The following TRIM7 variants were observed in gnomAD, a reference collection of about 807,000 sequenced individuals.
The protein encoded by TRIM7 is tripartite motif containing 7, also known as E3 ubiquitin-protein ligase TRIM7.
A neutral mutation model predicts 37.9 loss-of-function variants in TRIM7; 32 were observed. That is an observed-to-expected ratio of 0.84 (90% CI 0.64 to 1.13). The LOEUF is 1.13. Ranked by LOEUF, TRIM7 falls within the 50% of genes most tolerant of loss-of-function variation. The probability of loss-of-function intolerance (pLI) is 0.00; values close to 1 mark genes in which losing one functional copy is unlikely to be tolerated. For synonymous variants in TRIM7, 351 were observed against 321.3 expected (o/e 1.09, Z -0.99); for missense variants, 732 against 714.0 (o/e 1.03, Z -0.29).
rs1211897486 is a variant in TRIM7, at chr5:181,195,023, C to T, written c.*143G>A. The T allele has an allele frequency of 3.9e-5, 41 of 1,051,878 alleles. No individual in the cohort carries two copies. The highest frequency in any genetic ancestry group is 5.0e-5 in the Non-Finnish European group (37 of 736,280). 65.2% of individuals were successfully genotyped at this position (1,051,878 alleles called of 1,614,324 possible). ...GTTGGCCACAGTCACTCTCCTGCCTCGGGGTTGTGTCTGTAGCAGGCTCTC... is the reference window on the plus strand; with the variant it reads ...GTTGGCCACAGTCACTCTCCTGCCTTGGGGTTGTGTCTGTAGCAGGCTCTC... On this transcript the variant is annotated 3_prime_UTR_variant, in exon 7 of 7. Coordinates refer to ENST00000274773, the MANE Select transcript of TRIM7 (RefSeq NM_203293.3).
chr5:181,204,970 G>A lies in TRIM7; in HGVS notation c.141C>T (p.Ser47=), dbSNP rs765551552. The change falls in exon 1 of 7, where the codon AGC becomes AGT. Residue 47 remains serine, a synonymous_variant. Coordinates refer to ENST00000274773, the MANE Select transcript of TRIM7 (RefSeq NM_203293.3). ...REPVSVECGH[S]FCRACIGRCW... ...AGCGCCCTATGCAGGCGCGGCAGAA[G>A]CTGTGGCCGCACTCGACGGACACCG... 1.2e-4 allele frequency: 181 copies of A among 1,482,202 alleles called. No homozygotes were observed. The African/African-American group carries it at 2.5e-3, about 20-fold the overall frequency. The allele number at this position is 1,482,202 out of a possible 1,614,324, so 91.8% of individuals were successfully genotyped here.
chr5:181,205,074 C>T lies in TRIM7; in HGVS notation c.37G>A (p.Gly13Ser), dbSNP rs777522462. The change falls in exon 1 of 7, where the codon GGC becomes AGC. Residue 13 changes from glycine (G) to serine (S), a missense_variant. Physicochemically the swap from Gly to Ser is moderately conservative, Grantham distance 56. Transcript: ENST00000274773. ...GCCGCCAGCGCTAGAGCCTCGGCGCCGGTTCCGGGGCCGGTCCGCGGTCCC... is the reference window on the plus strand; with the variant it reads ...GCCGCCAGCGCTAGAGCCTCGGCGCTGGTTCCGGGGCCGGTCCGCGGTCCC... Reference protein sequence around the residue: ...AVGPRTGPGTGAEALALAAEL... With the variant: ...AVGPRTGPGTSAEALALAAEL... The T allele has an allele frequency of 1.5e-6, 2 of 1,372,170 alleles. No individual in the cohort carries two copies. Among genetic ancestry groups the T allele is most frequent in the African/African-American group, 1.5e-5 (1 of 65,516 alleles). 85.0% of individuals were successfully genotyped at this position (1,372,170 alleles called of 1,614,324 possible). A position where few individuals can be genotyped will look rare whatever the true frequency, so the allele number is the denominator to read the frequency against.
intron 2 of TRIM7, among the ~76,000 whole-genome samples, chr5:181,201,507 G>A (rs919803671): frequency 1.3e-5 from 2 of 152,182 alleles, no homozygotes. Flanking sequence ...TTGGGAGGCT[G>A]AGGGGGGCAA....
chr5:181,205,106 G>A lies in TRIM7; in HGVS notation c.5C>T (p.Ala2Val). 1.5e-6 allele frequency: 2 copies of A among 1,320,496 alleles called. No homozygotes were observed. Among genetic ancestry groups the A allele is most frequent in the Non-Finnish European group, 1.9e-6 (2 of 1,036,434 alleles). The allele number at this position is 1,320,496 out of a possible 1,614,324, so 81.8% of individuals were successfully genotyped here. A position where few individuals can be genotyped will look rare whatever the true frequency, so the allele number is the denominator to read the frequency against. Residue 2 changes from alanine to valine, a missense_variant, in exon 1 of 7, where the codon GCG (alanine) becomes GTG (valine). Transcript: ENST00000274773. ...GGGGCCGGTCCGCGGTCCCACAGCCGCCATGCGCGCTCTCCGCGCACCCAG... is the reference window on the plus strand; with the variant it reads ...GGGGCCGGTCCGCGGTCCCACAGCCACCATGCGCGCTCTCCGCGCACCCAG... M[A>V]AVGPRTGPGT...
chr5:181,200,330 A>G (rs890177859), intron 2 of TRIM7: 1 of 1,427,746 alleles, frequency 7.0e-7, no homozygotes, highest in African/African-American at 1.4e-5. Context: ...CCTGTGCTCC[A>G]TCACCTAAAC....
rs1757054529 is a variant in TRIM7 at position 181,195,560 on chromosome 5, T to G, written c.1142A>C (p.Asp381Ala). Reference protein sequence around the residue: ...QDLPNHPCRFDTNTRVLASCG... With the variant: ...QDLPNHPCRFATNTRVLASCG... ...GGACGCCAGGACGCGGGTGTTGGTG[T>G]CGAAGCGGCAGGGGTGGTTGGGCAG... Residue 381 changes from aspartate to alanine, a missense_variant, in exon 7 of 7, where the codon GAC becomes GCC. Physicochemically the swap from Asp to Ala is moderately radical, Grantham distance 126. Coordinates refer to ENST00000274773, the MANE Select transcript of TRIM7 (RefSeq NM_203293.3). The G allele has an allele frequency of 6.2e-7, 1 of 1,610,442 alleles. No homozygotes were observed. The highest frequency in any genetic ancestry group is 1.7e-5 in the Admixed American group (1 of 59,844).
rs750143832 is a variant in TRIM7, at chr5:181,195,259, G to A, written c.1443C>T (p.Arg481=). 5 of 1,611,910 alleles carry A rather than the reference G, an allele frequency of 3.1e-6. No homozygotes were observed. The highest frequency in any genetic ancestry group is 4.2e-6 in the Non-Finnish European group (5 of 1,179,154). ...AGTTGACGCGGAAGGTGTAGAGGTG[G>A]CGCATGTCCTCCACAGCGTAGAAGG... ...AVSFYAVEDM[R]HLYTFRVNFQ... is the part of the protein sequence containing the mutation. The change falls in exon 7 of 7, where the codon CGC becomes CGT. Residue 481 remains arginine, a synonymous_variant. Transcript: ENST00000274773.
chr5:181,203,704 C>A, intron 1 of TRIM7, 64 bp from the exon 2 acceptor site: 1 of 1,541,248 alleles, frequency 6.5e-7, no homozygotes, highest in South Asian at 1.3e-5. Context: ...CCACCTCTGC[C>A]TTCCTGGAGC....
At chr5:181,200,328 C>T (rs765591533) in intron 2 of TRIM7, 342 of 1,428,194 alleles carry the variant, frequency 2.4e-4, no homozygotes, top group Non-Finnish European at 3.0e-4. Flanking sequence ...GACCTGTGCT[C>T]CATCACCTAA....
chr5:181,204,366 G>T, intron 1 of TRIM7: 1 of 1,222,816 alleles, frequency 8.2e-7, no homozygotes, highest in Non-Finnish European at 1.0e-6. Flanking sequence ...GGCCCAGAGG[G>T]AAACGCAGTG....
chr5:181,199,988 G>A lies in TRIM7; in HGVS notation c.712C>T (p.Leu238=). 6.2e-7 allele frequency: 1 copy of A among 1,614,266 alleles called. No homozygotes were observed. The highest frequency in any genetic ancestry group is 8.5e-7 in the Non-Finnish European group (1 of 1,180,046). ...VEQEGRLLGR[L]EELSREVAQK... ...GCCACCTCCCGGGACAGTTCCTCCA[G>A]GCGGCCTAGCAGCCGACCCTCCTGC... is the stretch of plus-strand genomic sequence containing the variant. The change falls in exon 3 of 7, where the codon CTG becomes TTG. Residue 238 remains leucine (L), a synonymous_variant. Coordinates refer to ENST00000274773, the MANE Select transcript of TRIM7 (RefSeq NM_203293.3).
At chr5:181,204,321 T>C in intron 1 of TRIM7, 1 of 1,178,408 alleles carries the variant, frequency 8.5e-7, no homozygotes, top group Non-Finnish European at 1.0e-6. Flanking sequence ...CATCGCCAAG[T>C]CCGTGGGGGA....
chr5:181,203,750 G>C (rs1757652255), intron 1 of TRIM7, 110 bp from the exon 2 acceptor site: 4 of 1,492,072 alleles, frequency 2.7e-6, no homozygotes, highest in East Asian at 2.3e-5. Context: ...CTCACTGAGG[G>C]GGAGGCCGGG....
At chr5:181,203,522 G>T (rs779456810) in intron 2 of TRIM7, 23 bp downstream of exon 2, 39 of 1,613,730 alleles carry the variant, frequency 2.4e-5, no homozygotes, top group Non-Finnish European at 3.1e-5. Context: ...GTCCCACGGG[G>T]GGCCTGCGGG....
intron 6 of TRIM7, 130 bp from the exon 7 acceptor site, chr5:181,195,807 C>A: frequency 1.6e-6 from 2 of 1,222,096 alleles, no homozygotes; most frequent in East Asian, 2.9e-5. Flanking sequence ...CACCCAGCGC[C>A]AAGGCCCAAC....
At chr5:181,200,224 G>C (rs2546397) in intron 2 of TRIM7, 143 bp from the exon 3 acceptor site, 1 of 1,538,884 alleles carries the variant, frequency 6.5e-7, no homozygotes, top group Non-Finnish European at 8.7e-7. Flanking sequence ...CACGCAGTGC[G>C]TGCTCTATTG....
intron 1 of TRIM7, chr5:181,203,872 C>T (rs997119623): frequency 3.3e-5 from 43 of 1,302,862 alleles, no homozygotes; most frequent in Middle Eastern, 5.9e-4. Context: ...ACACAAGCTC[C>T]GGCAGCCCTA....
rs970295659 is a variant in TRIM7, at chr5:181,195,653, G to T, written c.1049C>A (p.Thr350Lys). ...AGAGAGGATGAGGCGCGGGTTGGCC[G>T]TGTCGGGATCCAAGGTGAGCTCCAC... is the stretch of plus-strand genomic sequence containing the variant. ...EKVELTLDPD[T>K]ANPRLILSLD... Residue 350 changes from threonine (T) to lysine (K), a missense_variant, in exon 7 of 7, where the codon ACG becomes AAG. Thr to Lys is a moderately conservative substitution (Grantham distance 78). Coordinates refer to ENST00000274773, the MANE Select transcript of TRIM7 (RefSeq NM_203293.3). 1 of 1,528,698 alleles carries T rather than the reference G, an allele frequency of 6.5e-7. No individual in the cohort carries two copies. Among genetic ancestry groups the T allele is most frequent in the African/African-American group, 1.4e-5 (1 of 72,252 alleles). The allele number at this position is 1,528,698 out of a possible 1,614,324, so 94.7% of individuals were successfully genotyped here.
At chr5:181,199,362 T>C (rs2113070328) in intron 3 of TRIM7, 1 of 580,604 alleles carries the variant, frequency 1.7e-6, no homozygotes, top group East Asian at 2.9e-5. Context: ...CTATCTTTGC[T>C]GCTTTCTTAG....
Sources: gnomAD v4.1 joint callset for allele counts (sites outside exome capture counted in the v4.1 genomes callset) on GRCh38, gnomAD v4.1.1 for gene constraint, MANE v1.5 for transcripts, NCBI Gene and HGNC (gene_info 2026-07-23, HGNC 2026-07-21) for gene names.